Variants in SPATA21 observed in about 807,000 individuals in gnomAD.
The protein encoded by SPATA21 is spermatogenesis associated 21.
SPATA21 carries 47 observed loss-of-function variants against 54.8 expected under a neutral mutation model. That is an observed-to-expected ratio of 0.86 (90% confidence interval 0.68 to 1.09). The LOEUF (loss-of-function observed/expected upper bound fraction) is 1.09, where lower values mean the gene tolerates loss of function less well. Ranked by LOEUF, SPATA21 falls within the 50% of genes least tolerant of loss-of-function variation. The pLI is 0.00. For missense variants in SPATA21, 599 were observed against 596.4 expected (o/e 1.00, Z -0.05); for synonymous variants, 245 against 235.3 (o/e 1.04, Z -0.38).
Position 16,405,515 on chromosome 1 carries a change from ACTG to A in SPATA21, c.674-414_674-412del, listed in dbSNP as rs1280881460. ...AATGAAAAAAAAAAAAAAAAAAAAA[ACTG>A]GGCATGGTGGTGTGCACCTGTAGTC... On this transcript the variant is annotated intron_variant, in intron 7 of 12. Transcript: ENST00000335496. Among the ~76,000 whole-genome samples the A allele has an allele frequency of 1.8e-3, 246 of 134,248 alleles. No individual in the cohort carries two copies. In the Middle Eastern group the frequency reaches 0.024, roughly 13 times the overall value. The allele number at this position is 134,248 out of a possible 152,430, so 88.1% of individuals were successfully genotyped here. A position where few individuals can be genotyped will look rare whatever the true frequency, so the allele number is the denominator to read the frequency against.
At chr1:16,425,327 C>G (rs2100878004) in intron 3 of SPATA21, 5 of 669,416 alleles carry the variant, frequency 7.5e-6, no homozygotes, top group Non-Finnish European at 1.1e-5. Flanking sequence ...GTCACCCAGG[C>G]TGGAGTGCAG....
chr1:16,422,269 C>T, intron 3 of SPATA21: 1 of 1,333,122 alleles, frequency 7.5e-7, no homozygotes, highest in African/African-American at 1.5e-5. Flanking sequence ...TCCAGGCGAA[C>T]TGGAGACCAG....
chr1:16,403,873 A>G (rs1188115808), intron 9 of SPATA21, 29 bp from the exon 10 acceptor site: 1 of 1,608,970 alleles, frequency 6.2e-7, no homozygotes, highest in African/African-American at 1.3e-5. Context: ...GGCTGCCGTT[A>G]CCACTGGGCA....
intron 3 of SPATA21, among the ~76,000 whole-genome samples, chr1:16,424,230 A>AGGAGGT (rs1430450135): frequency 0.17 from 1,087 of 6,512 alleles, 5 homozygotes; most frequent in Middle Eastern, 0.21. Context: ...GGAGAATGGC[A>AGGAGGT]TGAACCTGGG....
chr1:16,433,580 C>A (rs2086514246), intron 1 of SPATA21, among the ~76,000 whole-genome samples: 1 of 152,236 alleles, frequency 6.6e-6, no homozygotes, highest in South Asian at 2.1e-4. Context: ...ACTGTCTCTG[C>A]CTGAGAATGT....
In SPATA21 at chr1:16,400,703, C is replaced by A; in HGVS notation, c.1174+17G>T. ...AGCCCCAACCCTAGCCCATCCCACC[C>A]TGCCCAGGGCCCTCACCATAGTTCT... On this transcript the variant is annotated intron_variant, in intron 11 of 12. Transcript: ENST00000335496. 6.2e-7 allele frequency: 1 copy of A among 1,602,922 alleles called. No homozygotes were observed. The highest frequency in any genetic ancestry group is 1.1e-5 in the South Asian group (1 of 90,474).
intron 5 of SPATA21, among the ~76,000 whole-genome samples, chr1:16,415,096 G>A (rs746144701): frequency 1.6e-4 from 25 of 152,226 alleles, no homozygotes; most frequent in Non-Finnish European, 2.5e-4. Flanking sequence ...TAACACTTTC[G>A]GATGCTGAGG....
rs1009130467 is a variant in SPATA21 at position 16,408,160 on chromosome 1, C to T, written c.673+958G>A. 3.9e-5 allele frequency among the ~76,000 whole-genome samples: 6 copies of T among 152,166 alleles called. No homozygotes were observed. The East Asian group carries it at 5.8e-4, about 15-fold the overall frequency. ...ATCCAGCGAAGACAGAGGAAGGGGC[C>T]GCTGTGGCCAAGAGGGTTGCAGGCT... On this transcript the variant is annotated intron_variant, in intron 7 of 12. Transcript: ENST00000335496.
intron 5 of SPATA21, among the ~76,000 whole-genome samples, chr1:16,413,427 A>C (rs1403918856): frequency 6.6e-6 from 1 of 152,192 alleles, no homozygotes; most frequent in South Asian, 2.1e-4. Flanking sequence ...GTCAATGGAC[A>C]CTTGAGTTGC....
intron 5 of SPATA21, among the ~76,000 whole-genome samples, chr1:16,414,015 G>GT (rs34726819): frequency 0.11 from 17,171 of 151,634 alleles, 1,033 homozygotes; most frequent in South Asian, 0.2. Context: ...GTTATTTTCT[G>GT]TTTTTTTTCT....
At chr1:16,404,126 G>T in intron 8 of SPATA21, 87 bp from the exon 9 acceptor site, 1 of 1,132,702 alleles carries the variant, frequency 8.8e-7, no homozygotes, top group Non-Finnish European at 1.3e-6. Flanking sequence ...AGAAGTCACT[G>T]TCTGGGTCTG....
chr1:16,432,116 T>TCTTCTTCTTCTTCTTCTTCTTCTTC (rs201347435), intron 2 of SPATA21, among the ~76,000 whole-genome samples: 3 of 64,890 alleles, frequency 4.6e-5, no homozygotes, highest in African/African-American at 1.5e-4. Flanking sequence ...TTCTTCTTCT[T>TCTTCTTCTTCTTCTTCTTCTTCTTC]TTTTTTTTTT....
At position 16,409,060 on chromosome 1, in the gene SPATA21, C is replaced by A. The variant is rs1012135025; in HGVS notation, c.673+58G>T. ...CCCCAGTCCGCCCTGCGCCTATAAA[C>A]CCCCAAGGACCAAGGGTCCTGCCTG... On this transcript the variant is annotated intron_variant, in intron 7 of 12. Transcript: ENST00000335496. The surrounding 1 kb of genome is among the most constrained non-coding windows in gnomAD (Gnocchi z 4.1). 2 of 1,586,152 alleles carry A rather than the reference C, an allele frequency of 1.3e-6. No individual in the cohort carries two copies. Among genetic ancestry groups the A allele is most frequent in the South Asian group, 1.1e-5 (1 of 90,476 alleles).
intron 5 of SPATA21, among the ~76,000 whole-genome samples, chr1:16,413,759 C>T (rs934190996): frequency 1.3e-5 from 2 of 152,082 alleles, no homozygotes; most frequent in South Asian, 2.1e-4. Flanking sequence ...ACTACAGGTG[C>T]GTGCCACCAT....
At position 16,421,427 on chromosome 1, in the gene SPATA21, G is replaced by A. The variant is rs911799429; in HGVS notation, c.144+82C>T. ...AATAGGGGTTTGACGTGCCACATCC[G>A]CTTCTGCCCTCTTCCTCCTCCTGAT... On this transcript the variant is annotated intron_variant, in intron 5 of 12. Transcript: ENST00000335496. The surrounding 1 kb of genome is among the most constrained non-coding windows in gnomAD (Gnocchi z 5.2). The A allele has an allele frequency of 1.8e-5, 24 of 1,367,450 alleles. No individual in the cohort carries two copies. Among genetic ancestry groups the A allele is most frequent in the Admixed American group, 1.7e-4 (7 of 40,730 alleles). 84.7% of individuals were successfully genotyped at this position (1,367,450 alleles called of 1,614,324 possible). A position where few individuals can be genotyped will look rare whatever the true frequency, so the allele number is the denominator to read the frequency against.
chr1:16,408,994 G>C, intron 7 of SPATA21, 124 bp downstream of exon 7: 1 of 977,830 alleles, frequency 1.0e-6, no homozygotes, highest in Middle Eastern at 2.2e-4. Context: ...ACCCCTGCTG[G>C]GTCTGCTACA....
At chr1:16,420,610 G>C (rs939355632) in intron 5 of SPATA21, among the ~76,000 whole-genome samples, 1 of 152,156 alleles carries the variant, frequency 6.6e-6, no homozygotes, top group Admixed American at 6.6e-5. Flanking sequence ...AACGCAGAGA[G>C]GGATCATGTG....
At chr1:16,424,513 G>A (rs930218775) in intron 3 of SPATA21, among the ~76,000 whole-genome samples, 5 of 151,662 alleles carry the variant, frequency 3.3e-5, no homozygotes, top group Non-Finnish European at 7.4e-5. Context: ...TGGACCCCAG[G>A]CTCAGGGGAT....
rs772403005 is a variant in SPATA21, at chr1:16,409,158, C to T, written c.633G>A (p.Arg211=). The T allele has an allele frequency of 3.1e-6, 5 of 1,614,014 alleles. No homozygotes were observed. In the Admixed American group the frequency reaches 8.3e-5, roughly 27 times the overall value. Residue 211 remains arginine, a synonymous_variant, in exon 7 of 13, where the codon CGG becomes CGA. Transcript: ENST00000335496. This position sits in a 1 kb window ranked among gnomAD's most constrained non-coding sequence, Gnocchi z 4.1. ...GGGTCAGTTGCTCCTCGGACTTCTC[C>T]CGGTTTTGATAAAGCTTTTGGAGGC... ...EQSLQKLYQN[R]EKSEEQLTLK...
Sources: gnomAD v4.1 joint callset for allele counts (sites outside exome capture counted in the v4.1 genomes callset) on GRCh38, gnomAD v4.1.1 for gene constraint, Gnocchi (gnomAD v3.1) non-coding constraint, MANE v1.5 for transcripts, NCBI Gene and HGNC (gene_info 2026-07-23, HGNC 2026-07-21) for gene names.